Variants in DTYMK observed in about 807,000 individuals in gnomAD.
The protein encoded by DTYMK is thymidylate kinase.
A neutral mutation model predicts 20.3 loss-of-function variants in DTYMK; 20 were observed. That is an observed-to-expected ratio of 0.99 (90% CI 0.69 to 1.43). The LOEUF (loss-of-function observed/expected upper bound fraction) is 1.43, where lower values mean the gene tolerates loss of function less well. DTYMK is among the 40% of genes most tolerant of loss of function. The pLI is 0.00. For missense variants in DTYMK, 320 were observed against 291.1 expected (o/e 1.10, Z -0.72); for synonymous variants, 148 against 124.4 (o/e 1.19, Z -1.27).
intron 3 of DTYMK, among the ~76,000 whole-genome samples, chr2:241,679,573 C>G (rs1174348528): frequency 6.6e-6 from 1 of 151,902 alleles, no homozygotes; most frequent in Non-Finnish European, 1.5e-5. Context: ...GTTGTTATAG[C>G]GAGCTTTGCT....
rs190770180 is a variant in DTYMK at position 241,679,324 on chromosome 2, G to A, written c.331-675C>T. Among the ~76,000 whole-genome samples, 161 of 152,298 alleles carry A rather than the reference G, an allele frequency of 1.1e-3. 4 individuals carry two copies. The highest frequency in any genetic ancestry group is 3.4e-3 in the Middle Eastern group (1 of 294). ...CAATGAGCTGAGGGAAGGCGTCCAC[G>A]AGAACCTCCCACAGAGCCTGCGGCT... On this transcript the variant is annotated intron_variant, in intron 3 of 4. Coordinates refer to ENST00000305784, the MANE Select transcript of DTYMK (RefSeq NM_012145.4).
chr2:241,679,159 T>A (rs1460708724), intron 3 of DTYMK, among the ~76,000 whole-genome samples: 1 of 152,212 alleles, frequency 6.6e-6, no homozygotes, highest in Non-Finnish European at 1.5e-5. Flanking sequence ...TCTCATCCAC[T>A]GGCCCTTCTT....
rs1194158605 is a variant in DTYMK at position 241,675,903 on chromosome 2, A to G, written c.*224T>C. Reference sequence around the variant, plus strand: ...ATCAGGACAGGGGAGAGGGCAGGAGACTGCTCCATCGCTCTGCTCATGTCC... The same window carrying G: ...ATCAGGACAGGGGAGAGGGCAGGAGGCTGCTCCATCGCTCTGCTCATGTCC... On this transcript the variant is annotated 3_prime_UTR_variant, in exon 5 of 5. Transcript: ENST00000305784. 5 of 471,554 alleles carry G rather than the reference A, an allele frequency of 1.1e-5. No homozygotes were observed. Among genetic ancestry groups the G allele is most frequent in the Admixed American group, 7.7e-5 (2 of 25,854 alleles). The allele number at this position is 471,554 out of a possible 1,614,324, so 29.2% of individuals were successfully genotyped here. A position where few individuals can be genotyped will look rare whatever the true frequency, so the allele number is the denominator to read the frequency against.
chr2:241,686,763 A>C lies in DTYMK; in HGVS notation c.21T>G (p.Ala7=). The change falls in exon 1 of 5, where the codon GCT becomes GCG. Residue 7 remains alanine, a synonymous_variant. Transcript: ENST00000305784. ...GGTCCACGCCCTCCAGCACTATGAG[A>C]GCCCCGCGCCGGGCCGCCATGACTG... MAARRG[A]LIVLEGVDRA... The C allele has an allele frequency of 6.8e-7, 1 of 1,472,062 alleles. No homozygotes were observed. The highest frequency in any genetic ancestry group is 8.9e-7 in the Non-Finnish European group (1 of 1,125,864). The allele number at this position is 1,472,062 out of a possible 1,614,324, so 91.2% of individuals were successfully genotyped here. A position where few individuals can be genotyped will look rare whatever the true frequency, so the allele number is the denominator to read the frequency against.
chr2:241,684,687 ATG>A (rs2069337857), intron 2 of DTYMK: 2 of 460,652 alleles, frequency 4.3e-6, no homozygotes, highest in South Asian at 1.6e-5. Context: ...ATGTATATAA[ATG>A]TAAATAAAAA....
At chr2:241,680,445 G>C in intron 2 of DTYMK, 126 bp from the exon 3 acceptor site, 3 of 930,288 alleles carry the variant, frequency 3.2e-6, no homozygotes, top group Non-Finnish European at 4.9e-6. Flanking sequence ...GGGAGGCTGA[G>C]GCGGGCGGAT....
chr2:241,680,433 T>G, intron 2 of DTYMK, 114 bp from the exon 3 acceptor site: 5 of 1,103,294 alleles, frequency 4.5e-6, no homozygotes, highest in Admixed American at 2.1e-5. Flanking sequence ...TCCCAGCGCT[T>G]TGGGAGGCTG....
At chr2:241,682,580 G>A (rs2069285181) in intron 2 of DTYMK, among the ~76,000 whole-genome samples, 1 of 152,168 alleles carries the variant, frequency 6.6e-6, no homozygotes, top group Non-Finnish European at 1.5e-5. Flanking sequence ...TTGAGCCCAG[G>A]AATTTGAGTC....
rs1321766248 is a variant in DTYMK, at chr2:241,678,327, G to A, written c.528+125C>T. 5.2e-6 allele frequency: 7 copies of A among 1,339,378 alleles called. No homozygotes were observed. The African/African-American group carries it at 5.8e-5, about 11-fold the overall frequency. The allele number at this position is 1,339,378 out of a possible 1,614,324, so 83.0% of individuals were successfully genotyped here. A position where few individuals can be genotyped will look rare whatever the true frequency, so the allele number is the denominator to read the frequency against. ...GAACCCCTGAACGACTACTCCCGGG[G>A]CTCCACATCTGGGAGGACCAGACGG... On this transcript the variant is annotated intron_variant, in intron 4 of 4. Coordinates refer to ENST00000305784, the MANE Select transcript of DTYMK (RefSeq NM_012145.4).
chr2:241,682,446 C>T (rs1004594350), intron 2 of DTYMK: 3 of 287,206 alleles, frequency 1.0e-5, no homozygotes, highest in Non-Finnish European at 2.1e-5. Context: ...CTAAAGCATA[C>T]AAAGAATTCT....
chr2:241,682,331 T>A (rs941806505), intron 2 of DTYMK: 1 of 401,852 alleles, frequency 2.5e-6, no homozygotes, highest in East Asian at 8.0e-5. Flanking sequence ...ACAGAGACCC[T>A]GTCTAAAAAA....
intron 2 of DTYMK, among the ~76,000 whole-genome samples, chr2:241,684,377 G>A (rs1342023650): frequency 6.6e-6 from 1 of 152,192 alleles, no homozygotes; most frequent in Admixed American, 6.6e-5. Flanking sequence ...TTAAGACTTG[G>A]AGTGGGGACA....
At chr2:241,682,097 G>C (rs1347994871) in intron 2 of DTYMK, 1 of 354,680 alleles carries the variant, frequency 2.8e-6, no homozygotes, top group East Asian at 8.9e-5. Flanking sequence ...ACAGCACTTT[G>C]GGAAACCAAG....
At chr2:241,682,292 G>A (rs1473047869) in intron 2 of DTYMK, 1 of 452,984 alleles carries the variant, frequency 2.2e-6, no homozygotes, top group African/African-American at 2.0e-5. Flanking sequence ...AGTAAGCTGT[G>A]ATTGCGCACT....
At chr2:241,685,533 G>A in intron 2 of DTYMK, 1 of 371,710 alleles carries the variant, frequency 2.7e-6, no homozygotes, top group East Asian at 4.1e-5. Flanking sequence ...AAAAAAACCC[G>A]AAAAACTGAA....
chr2:241,675,921 T>G lies in DTYMK; in HGVS notation c.*206A>C. 1.9e-6 allele frequency: 1 copy of G among 523,428 alleles called. No homozygotes were observed. 32.4% of individuals were successfully genotyped at this position (523,428 alleles called of 1,614,324 possible). On this transcript the variant is annotated 3_prime_UTR_variant, in exon 5 of 5. Transcript: ENST00000305784. The stretch of plus-strand genomic sequence containing the variant: ...GCAGGAGACTGCTCCATCGCTCTGC[T>G]CATGTCCACACTGCCAAGGTCCCCA...
intron 1 of DTYMK, among the ~76,000 whole-genome samples, chr2:241,686,197 T>C (rs2069396204): frequency 6.6e-6 from 1 of 152,230 alleles, no homozygotes. Context: ...TTGAAAACTT[T>C]TAAATATATG....
intron 4 of DTYMK, among the ~76,000 whole-genome samples, chr2:241,677,740 G>T (rs1158149308): frequency 6.6e-6 from 1 of 152,218 alleles, no homozygotes; most frequent in Non-Finnish European, 1.5e-5. Context: ...GGACTGCTGA[G>T]ATTGAAGGAG....
intron 4 of DTYMK, among the ~76,000 whole-genome samples, chr2:241,676,553 CTG>C (rs1370232835): frequency 1.3e-5 from 2 of 152,274 alleles, no homozygotes; most frequent in African/African-American, 4.8e-5. Flanking sequence ...TCCTGGCACA[CTG>C]TGGTGACCTC....
Sources: allele counts gnomAD v4.1 joint callset (sites outside exome capture counted in the v4.1 genomes callset), GRCh38; gene constraint gnomAD v4.1.1; transcripts MANE v1.5; gene names NCBI Gene and HGNC (gene_info 2026-07-23, HGNC 2026-07-21).